The following TARS1 variants were observed in gnomAD, a reference collection of about 807,000 sequenced individuals.
TARS1 encodes threonyl-tRNA synthetase 1.
In TARS1, 57 loss-of-function variants were observed where a neutral mutation model predicts 97.7. The observed-to-expected ratio is 0.58, with a 90% CI of 0.47 to 0.73. The LOEUF is 0.73. TARS1 is among the 30% of genes least tolerant of loss of function. TARS1 has a pLI of 0.00. For synonymous variants in TARS1, 312 were observed against 293.7 expected (o/e 1.06, Z -0.64); for missense variants, 806 against 888.3 (o/e 0.91, Z 1.18).
chr5:33,440,989 G>A lies in TARS1; in HGVS notation c.-98G>A. ...CGATTGCATCAGCTGGTCCAGCCGA[G>A]GCCAAGTCCCGGGCGCTAGCCCACC... On this transcript the variant is annotated 5_prime_UTR_variant, in exon 1 of 19. Transcript: ENST00000265112. 1 of 1,507,676 alleles carries A rather than the reference G, an allele frequency of 6.6e-7. No homozygotes were observed. Among genetic ancestry groups the A allele is most frequent in the Non-Finnish European group, 9.2e-7 (1 of 1,092,790 alleles). 93.4% of individuals were successfully genotyped at this position (1,507,676 alleles called of 1,614,324 possible). A position where few individuals can be genotyped will look rare whatever the true frequency, so the allele number is the denominator to read the frequency against.
chr5:33,457,166 A>T, intron 8 of TARS1, 91 bp from the exon 9 acceptor site: 1 of 1,444,956 alleles, frequency 6.9e-7, no homozygotes, highest in Non-Finnish European at 9.5e-7. Flanking sequence ...ATGAGTAACT[A>T]CTCTAACAAG....
intron 17 of TARS1, among the ~76,000 whole-genome samples, chr5:33,465,704 AAG>A (rs1402651201): frequency 1.3e-5 from 2 of 152,234 alleles, no homozygotes; most frequent in African/African-American, 2.4e-5. Flanking sequence ...AGTATAGGCA[AAG>A]TCACTTAGAT....
At position 33,461,208 on chromosome 5, in the gene TARS1, C is replaced by T. The variant is rs768646727; in HGVS notation, c.1464C>T (p.Ser488=). 3.8e-5 allele frequency: 62 copies of T among 1,613,646 alleles called. No homozygotes were observed. Among genetic ancestry groups the T allele is most frequent in the East Asian group, 6.7e-5 (3 of 44,886 alleles). Residue 488 remains serine (S), a synonymous_variant, in exon 13 of 19, where the codon AGC becomes AGT. Coordinates refer to ENST00000265112, the MANE Select transcript of TARS1 (RefSeq NM_152295.5). ...TGGATTTTCTACGTACGGTATATAG[C>T]GTATTTGGATTTTCTTTTAAACTAA... ...GCLDFLRTVY[S]VFGFSFKLNL... is the part of the protein sequence containing the mutation.
At chr5:33,466,720 G>T (rs1742543175) in intron 17 of TARS1, 151 bp from the exon 18 acceptor site, 1 of 449,462 alleles carries the variant, frequency 2.2e-6, no homozygotes, top group African/African-American at 2.0e-5. Flanking sequence ...AATAATGGCA[G>T]TGAATAATAT....
At chr5:33,447,577 C>T (rs1741482108) in intron 2 of TARS1, among the ~76,000 whole-genome samples, 1 of 152,148 alleles carries the variant, frequency 6.6e-6, no homozygotes, top group South Asian at 2.1e-4. Context: ...TAGATATTCC[C>T]TTGTACTCCT....
At chr5:33,455,833 T>C (rs1049300149) in intron 6 of TARS1, 129 bp downstream of exon 6, 1 of 993,188 alleles carries the variant, frequency 1.0e-6, no homozygotes. Flanking sequence ...TTAAGTGTTT[T>C]TATTATTTTT....
intron 2 of TARS1, chr5:33,445,971 AC>A (rs1741394505): frequency 6.5e-6 from 1 of 153,702 alleles, no homozygotes; most frequent in South Asian, 2.0e-4. Flanking sequence ...CCCTAAATCA[AC>A]CTGGTTCCTG....
intron 1 of TARS1, among the ~76,000 whole-genome samples, chr5:33,442,987 A>C (rs1353714767): frequency 6.6e-6 from 1 of 152,104 alleles, no homozygotes; most frequent in Admixed American, 6.5e-5. Context: ...TGAGTCAGGG[A>C]CAGATCATTC....
intron 1 of TARS1, among the ~76,000 whole-genome samples, chr5:33,443,320 C>CCTCTCTCTCTCTCTCTCTCTCT (rs769681224): frequency 3.2e-4 from 38 of 118,506 alleles, no homozygotes; most frequent in South Asian, 8.1e-4. Flanking sequence ...TCTCTCTCTC[C>CCTCTCTCTCTCTCTCTCTCTCT]CTCTCTCTCT....
At chr5:33,444,750 ATCCTTTAAAACGCTAG>A (rs1741323709) in intron 1 of TARS1, among the ~76,000 whole-genome samples, 1 of 152,170 alleles carries the variant, frequency 6.6e-6, no homozygotes, top group Non-Finnish European at 1.5e-5. Flanking sequence ...AATGCATTCC[ATCCTTTAAAACGCTAG>A]TCCTAGCTTA....
At chr5:33,445,468 A>G in intron 2 of TARS1, 64 bp downstream of exon 2, 3 of 1,399,490 alleles carry the variant, frequency 2.1e-6, no homozygotes, top group Non-Finnish European at 3.0e-6. Flanking sequence ...GAACTTTCTG[A>G]GACTTTCCTA....
At chr5:33,449,358 T>TATATATATATATATATGTATAG (rs59141272) in intron 3 of TARS1, among the ~76,000 whole-genome samples, 3 of 146,404 alleles carry the variant, frequency 2.0e-5, no homozygotes, top group African/African-American at 5.2e-5. Context: ...TATATATATA[T>TATATATATATATATATGTATAG]CTTAAACTGG....
At position 33,455,588 on chromosome 5, in the gene TARS1, GGT is replaced by G; in HGVS notation, c.582_583del (p.Ser195Ter). On this transcript the variant is annotated frameshift_variant and splice_region_variant, in exon 6 of 19. Coordinates refer to ENST00000265112, the MANE Select transcript of TARS1 (RefSeq NM_152295.5). LOFTEE classifies it high-confidence loss of function. The stretch of plus-strand genomic sequence containing the variant: ...AGATTATACTTTCTTCTCCTTCAGG[GGT>G]GTGTCTAGCAATGATTTCTCTTCTC... Reference protein sequence around the residue: ...FYYDMYLEEGGVSSNDFSSLE... With the variant: ...FYYDMYLEEGXVSSNDFSSLE... 1 of 1,592,626 alleles carries G rather than the reference GGT, an allele frequency of 6.3e-7. No homozygotes were observed. The highest frequency in any genetic ancestry group is 8.6e-7 in the Non-Finnish European group (1 of 1,164,434).
chr5:33,449,321 ATATATACGCGTATATATACACGTG>A (rs1238562742), intron 3 of TARS1, among the ~76,000 whole-genome samples: 8 of 139,514 alleles, frequency 5.7e-5, no homozygotes, highest in African/African-American at 1.9e-4. Flanking sequence ...ATATGTGTAT[ATATATACGCGTATATATACACGTG>A]TATATATATA....
intron 2 of TARS1, among the ~76,000 whole-genome samples, chr5:33,448,251 G>C (rs1734849399): frequency 6.6e-6 from 1 of 152,146 alleles, no homozygotes; most frequent in African/African-American, 2.4e-5. Flanking sequence ...AAATAATTTA[G>C]TTAGAAAAGA....
At chr5:33,446,239 G>T (rs189256991) in intron 2 of TARS1, 1 of 174,056 alleles carries the variant, frequency 5.7e-6, no homozygotes, top group Non-Finnish European at 1.2e-5. Context: ...GTTTATAGAT[G>T]ATCAAGTGTA....
intron 17 of TARS1, among the ~76,000 whole-genome samples, chr5:33,464,802 G>T (rs1399274160): frequency 6.6e-6 from 1 of 152,146 alleles, no homozygotes; most frequent in Non-Finnish European, 1.5e-5. Context: ...AGTGGGCCAG[G>T]CGTGGTGGCT....
intron 2 of TARS1, among the ~76,000 whole-genome samples, chr5:33,447,434 A>T (rs1741475966): frequency 1.3e-5 from 2 of 152,086 alleles, no homozygotes; most frequent in African/African-American, 4.8e-5. Context: ...TTTAGTAGAG[A>T]TAGGATTTTG....
chr5:33,445,577 A>G (rs1741372454), intron 2 of TARS1, among the ~76,000 whole-genome samples, 173 bp downstream of exon 2: 1 of 152,228 alleles, frequency 6.6e-6, no homozygotes, highest in African/African-American at 2.4e-5. Context: ...AGAGGGGAAA[A>G]AAGACTTTCA....
Sources: allele counts gnomAD v4.1 joint callset (sites outside exome capture counted in the v4.1 genomes callset), GRCh38; gene constraint gnomAD v4.1.1; transcripts MANE v1.5; gene names NCBI Gene and HGNC (gene_info 2026-07-23, HGNC 2026-07-21).